Variants in ANKMY1 observed in about 807,000 individuals in gnomAD.
ANKMY1 encodes ankyrin repeat and MYND domain containing 1.
In ANKMY1, 98 loss-of-function variants were observed where a neutral mutation model predicts 102.0. The ratio of observed to expected loss-of-function variants is 0.96; its 90% confidence interval spans 0.82 to 1.14. ANKMY1 has a LOEUF of 1.14. Ranked by LOEUF, ANKMY1 falls within the 50% of genes most tolerant of loss-of-function variation. The pLI, the probability that ANKMY1 is intolerant of heterozygous loss-of-function variation, is 0.00. For missense variants in ANKMY1, 1,330 were observed against 1,347.6 expected, an observed-to-expected ratio of 0.99 and a Z score of 0.20; for synonymous variants, 582 against 559.9, an observed-to-expected ratio of 1.04 and a Z score of -0.56.
upstream of ANKMY1, among the ~76,000 whole-genome samples, chr2:240,559,345 C>A (rs1193638478): frequency 6.6e-6 from 1 of 152,198 alleles, no homozygotes; most frequent in Non-Finnish European, 1.5e-5. Flanking sequence ...AGTGGCCCAA[C>A]AGTGGCATCA....
rs1367653394 is a variant in ANKMY1 at position 240,529,782 on chromosome 2, A to G, written c.481-273T>C. 1.3e-5 allele frequency among the ~76,000 whole-genome samples: 2 copies of G among 152,150 alleles called. No homozygotes were observed. Among genetic ancestry groups the G allele is most frequent in the African/African-American group, 4.8e-5 (2 of 41,440 alleles). ...TCTCAGTGGCCTCTGAGGTGAGGAC[A>G]TGATGGAAGTCTCATGGTGAAAGCG... On this transcript the variant is annotated intron_variant, in intron 4 of 17. Transcript: ENST00000401804. This position sits in a 1 kb window ranked among gnomAD's most constrained non-coding sequence, Gnocchi z 4.2.
chr2:240,547,820 T>C (rs1207502779), intron 4 of ANKMY1, among the ~76,000 whole-genome samples: 1 of 148,854 alleles, frequency 6.7e-6, no homozygotes, highest in Non-Finnish European at 1.5e-5. Flanking sequence ...CAGGAAGAAG[T>C]TGAATCTCTG....
chr2:240,518,409 C>T (rs117116149), intron 9 of ANKMY1, among the ~76,000 whole-genome samples: 3 of 152,190 alleles, frequency 2.0e-5, no homozygotes, highest in African/African-American at 7.2e-5. Flanking sequence ...CTTTCCCACA[C>T]GTGGTTATAT....
chr2:240,478,149 C>A, downstream of ANKMY1, among the ~76,000 whole-genome samples: 1 of 152,316 alleles, frequency 6.6e-6, no homozygotes, highest in East Asian at 1.9e-4. Flanking sequence ...CCGGCTTCCC[C>A]TTCTCCTTCC....
rs373716544 is a variant in ANKMY1, at chr2:240,529,149, C to A, written c.841G>T (p.Ala281Ser). The A allele has an allele frequency of 2.5e-6, 4 of 1,614,066 alleles. No individual in the cohort carries two copies. The Admixed American group carries it at 5.0e-5, about 20-fold the overall frequency. The change falls in exon 5 of 18, where the codon GCC becomes TCC. Residue 281 changes from alanine (A) to serine (S), a missense_variant. Coordinates refer to ENST00000401804, the MANE Select transcript of ANKMY1 (RefSeq NM_001282771.3). This position sits in a 1 kb window ranked among gnomAD's most constrained non-coding sequence, Gnocchi z 4.2. The part of the protein sequence containing the change: ...MTSSFRKELD[A>S]RIFLNEIPPF... ...GGAATTTCATTGAGGAAGATGCGGG[C>A]GTCCAGCTCTTTGCGGAAAGAGCTT... is the stretch of plus-strand genomic sequence containing the variant.
chr2:240,518,737 G>A (rs1001217780), intron 9 of ANKMY1, among the ~76,000 whole-genome samples: 7 of 152,330 alleles, frequency 4.6e-5, no homozygotes, highest in East Asian at 3.9e-4. Context: ...AAGGATGTCC[G>A]TGCCCAGTTT....
At chr2:240,491,072 C>T (rs2076592193) in intron 15 of ANKMY1, among the ~76,000 whole-genome samples, 1 of 147,066 alleles carries the variant, frequency 6.8e-6, no homozygotes, top group East Asian at 2.0e-4. Context: ...ATCCCTTTAT[C>T]GTTATATAAT....
chr2:240,498,133 C>A (rs1231820896), intron 15 of ANKMY1, among the ~76,000 whole-genome samples: 1 of 151,852 alleles, frequency 6.6e-6, no homozygotes, highest in Admixed American at 6.6e-5. Flanking sequence ...GGTGGGCGAG[C>A]CAGGTGGGAA....
intron 5 of ANKMY1, chr2:240,526,825 C>G (rs978457969): frequency 4.2e-6 from 5 of 1,188,078 alleles, no homozygotes; most frequent in Non-Finnish European, 5.3e-6. Flanking sequence ...TCAGCACCAA[C>G]ACCCACATTC....
At chr2:240,541,555 T>A (rs574557794) in intron 4 of ANKMY1, among the ~76,000 whole-genome samples, 1 of 140,768 alleles carries the variant, frequency 7.1e-6, no homozygotes, top group Non-Finnish European at 1.5e-5. Context: ...CAGGCTGGAG[T>A]GCAATGGCGC....
chr2:240,502,711 T>C (rs992912458), intron 13 of ANKMY1, among the ~76,000 whole-genome samples: 13 of 151,718 alleles, frequency 8.6e-5, no homozygotes, highest in African/African-American at 2.9e-4. Flanking sequence ...CCCAGTGCTA[T>C]ACCATTCACT....
In ANKMY1 at chr2:240,499,103, G is replaced by A. The variant is rs1210451304; in HGVS notation, c.2806+855C>T. Among the ~76,000 whole-genome samples, 2 of 152,162 alleles carry A rather than the reference G, an allele frequency of 1.3e-5. No individual in the cohort carries two copies. The highest frequency in any genetic ancestry group is 2.9e-5 in the Non-Finnish European group (2 of 68,026). ...GCACTGTGTGCTGGGAAGGCACCTG[G>A]GGTGTTGCTCAGTGGGGGACTGTGT... On this transcript the variant is annotated intron_variant, in intron 15 of 17. Transcript: ENST00000401804. The surrounding 1 kb of genome is among the most constrained non-coding windows in gnomAD (Gnocchi z 4.2).
chr2:240,526,600 C>A, intron 5 of ANKMY1, 155 bp from the exon 6 acceptor site: 1 of 1,464,680 alleles, frequency 6.8e-7, no homozygotes, highest in Non-Finnish European at 9.0e-7. Flanking sequence ...GGCAGCTGCA[C>A]CCGCAGCTGC....
At chr2:240,561,000 G>T (rs754396712), upstream of ANKMY1, 23 of 1,539,258 alleles carry the variant, frequency 1.5e-5, no homozygotes, top group East Asian at 5.6e-4. Flanking sequence ...CTGCAAGAAC[G>T]GCCGCAGCCG....
At chr2:240,508,636 C>T (rs2079522884) in intron 12 of ANKMY1, among the ~76,000 whole-genome samples, 1 of 152,200 alleles carries the variant, frequency 6.6e-6, no homozygotes, top group South Asian at 2.1e-4. Context: ...TATGGCCTGG[C>T]TCCTCCAACG....
chr2:240,520,520 A>G lies in ANKMY1; in HGVS notation c.1846T>C (p.Trp616Arg), dbSNP rs1180230591. Residue 616 changes from tryptophan to arginine, a missense_variant, in exon 9 of 18, where the codon TGG becomes CGG. Trp to Arg is a moderately radical substitution (Grantham distance 101). Coordinates refer to ENST00000401804, the MANE Select transcript of ANKMY1 (RefSeq NM_001282771.3). The surrounding 1 kb of genome is among the most constrained non-coding windows in gnomAD (Gnocchi z 4.8). ...CGCAGCAGCAGCTTGATGGTCCGCC[A>G]GCGCTTCCTCCGCCTGAAAAAGACG... ...ALSMIERRKR[W>R]RTIKLLLRRG... is the part of the protein sequence containing the mutation. 1.9e-6 allele frequency: 3 copies of G among 1,612,214 alleles called. No individual in the cohort carries two copies. Among genetic ancestry groups the G allele is most frequent in the Non-Finnish European group, 1.7e-6 (2 of 1,179,190 alleles).
At position 240,499,688 on chromosome 2, in the gene ANKMY1, C is replaced by T. The variant is rs1368938750; in HGVS notation, c.2806+270G>A. Among the ~76,000 whole-genome samples, 2 of 152,044 alleles carry T rather than the reference C, an allele frequency of 1.3e-5. No individual in the cohort carries two copies. The highest frequency in any genetic ancestry group is 6.5e-5 in the Admixed American group (1 of 15,268). ...TCCCGCAGCAGTGCCTAGTTCTCTC[C>T]TGGGCGTGGGGCCCCTCTGACCTGG... On this transcript the variant is annotated intron_variant, in intron 15 of 17. Coordinates refer to ENST00000401804, the MANE Select transcript of ANKMY1 (RefSeq NM_001282771.3). The surrounding 1 kb of genome is among the most constrained non-coding windows in gnomAD (Gnocchi z 4.2).
intron 7 of ANKMY1, 88 bp downstream of exon 7, chr2:240,525,597 C>T: frequency 6.8e-7 from 1 of 1,470,480 alleles, no homozygotes; most frequent in Non-Finnish European, 9.2e-7. Flanking sequence ...CTGGTCCACA[C>T]AGGAGGGAGG....
intron 2 of ANKMY1, among the ~76,000 whole-genome samples, chr2:240,556,142 C>T (rs1357650884): frequency 6.6e-6 from 1 of 152,186 alleles, no homozygotes; most frequent in Non-Finnish European, 1.5e-5. Context: ...GCTCCATCTT[C>T]ACCACCCCAT....
Sources: allele counts gnomAD v4.1 joint callset (sites outside exome capture counted in the v4.1 genomes callset), GRCh38; gene constraint gnomAD v4.1.1; non-coding constraint Gnocchi (gnomAD v3.1); transcripts MANE v1.5; gene names NCBI Gene and HGNC (gene_info 2026-07-23, HGNC 2026-07-21).